DGKB: variants seen among roughly 807,000 people sequenced by gnomAD.
The protein encoded by DGKB is diacylglycerol kinase beta.
A neutral mutation model predicts 114.3 loss-of-function variants in DGKB; 67 were observed. The observed-to-expected ratio is 0.59, with a 90% confidence interval of 0.48 to 0.72. The LOEUF (loss-of-function observed/expected upper bound fraction) is 0.72. DGKB is among the 30% of genes least tolerant of loss of function. DGKB has a pLI of 0.00. For synonymous variants in DGKB, 398 were observed against 323.1 expected, an observed-to-expected ratio of 1.23 and a Z score of -2.49; for missense variants, 907 against 975.2, an observed-to-expected ratio of 0.93 and a Z score of 0.93.
intron 23 of DGKB, among the ~76,000 whole-genome samples, chr7:14,272,689 GTCTATGAGACATACA>G (rs982861898): frequency 6.6e-5 from 10 of 152,058 alleles, no homozygotes; most frequent in African/African-American, 2.4e-4. Flanking sequence ...ACCCATTAGT[GTCTATGAGACATACA>G]TAAAAAAGTG....
intron 21 of DGKB, among the ~76,000 whole-genome samples, chr7:14,398,750 A>G (rs931603452): frequency 6.6e-6 from 1 of 151,882 alleles, no homozygotes; most frequent in South Asian, 2.1e-4. Context: ...GGAGTCATCT[A>G]TGAAGTAATA....
intron 4 of DGKB, among the ~76,000 whole-genome samples, chr7:14,747,968 A>C (rs549990226): frequency 1.3e-5 from 2 of 152,286 alleles, no homozygotes; most frequent in South Asian, 4.1e-4. Context: ...TATGCCTTTC[A>C]TTATTATTTC....
chr7:14,531,835 T>C (rs1418513143), intron 20 of DGKB, among the ~76,000 whole-genome samples: 3 of 151,128 alleles, frequency 2.0e-5, no homozygotes, highest in Non-Finnish European at 3.0e-5. Context: ...AGAATAGGCA[T>C]ATAAATAAAT....
At chr7:14,783,411 G>C (rs969827176) in intron 2 of DGKB, among the ~76,000 whole-genome samples, 2 of 152,154 alleles carry the variant, frequency 1.3e-5, no homozygotes, top group Non-Finnish European at 2.9e-5. Flanking sequence ...ATTTTTGAAG[G>C]TTTTGAAACA....
chr7:14,198,829 G>A lies in DGKB; in HGVS notation c.2123-20678C>T, dbSNP rs181438176. Among the ~76,000 whole-genome samples, 524 of 152,132 alleles carry A rather than the reference G, an allele frequency of 3.4e-3. 1 individual carries two copies. Among genetic ancestry groups the A allele is most frequent in the Non-Finnish European group, 5.3e-3 (362 of 67,970 alleles). On this transcript the variant is annotated intron_variant, in intron 23 of 25. Coordinates refer to ENST00000402815, the MANE Select transcript of DGKB (RefSeq NM_001350709.2). ...AAATGTTGGATTTGGAAAAGTCTGG[G>A]AGGTCATGAGGAGGGATAGGGGGAA...
At chr7:14,700,228 T>C (rs934470027) in intron 7 of DGKB, among the ~76,000 whole-genome samples, 1 of 151,300 alleles carries the variant, frequency 6.6e-6, no homozygotes, top group Non-Finnish European at 1.5e-5. Context: ...TTTTTTTTTT[T>C]TTTGAGATGG....
intron 2 of DGKB, among the ~76,000 whole-genome samples, chr7:14,792,152 A>G (rs1398706419): frequency 6.6e-6 from 1 of 152,072 alleles, no homozygotes; most frequent in African/African-American, 2.4e-5. Context: ...TTCAAAATCT[A>G]CCTTTTGTGT....
At chr7:14,270,074 A>AAAAG (rs1798066015) in intron 23 of DGKB, among the ~76,000 whole-genome samples, 4 of 147,036 alleles carry the variant, frequency 2.7e-5, no homozygotes, top group Non-Finnish European at 4.5e-5. Context: ...AAAAAAAAAA[A>AAAAG]AGAGAGAGAT....
At chr7:14,870,444 T>A (rs1299686529) in intron 1 of DGKB, among the ~76,000 whole-genome samples, 1 of 152,208 alleles carries the variant, frequency 6.6e-6, no homozygotes, top group African/African-American at 2.4e-5. Flanking sequence ...TCTCTAATTA[T>A]GGAAATCCTG....
At chr7:14,470,511 G>A (rs1781123467) in intron 21 of DGKB, among the ~76,000 whole-genome samples, 2 of 151,898 alleles carry the variant, frequency 1.3e-5, no homozygotes, top group African/African-American at 2.4e-5. Flanking sequence ...AATAGATTGT[G>A]AATGTCAGTA....
intron 1 of DGKB, among the ~76,000 whole-genome samples, chr7:14,963,797 A>G (rs1359350637): frequency 1.3e-5 from 2 of 152,114 alleles, no homozygotes; most frequent in African/African-American, 4.8e-5. Flanking sequence ...TCCTTGTAGT[A>G]GGTGGGAGAT....
At chr7:14,281,641 C>T (rs1288386342) in intron 23 of DGKB, among the ~76,000 whole-genome samples, 1 of 149,858 alleles carries the variant, frequency 6.7e-6, no homozygotes, top group Non-Finnish European at 1.5e-5. Context: ...TGTAAAAGAA[C>T]AGAAATTATA....
chr7:14,476,266 G>A (rs1782157766), intron 21 of DGKB, among the ~76,000 whole-genome samples: 1 of 151,630 alleles, frequency 6.6e-6, no homozygotes, highest in African/African-American at 2.4e-5. Flanking sequence ...TCATTTCCAG[G>A]ATATTTGAGG....
intron 1 of DGKB, among the ~76,000 whole-genome samples, chr7:14,956,751 A>T (rs1412152133): frequency 6.6e-6 from 1 of 151,972 alleles, no homozygotes; most frequent in Admixed American, 6.6e-5. Flanking sequence ...TATAACCATG[A>T]GTGCAATGGA....
intron 1 of DGKB, among the ~76,000 whole-genome samples, chr7:14,937,025 TACACACACACACACACACACAC>T (rs56176139): frequency 2.9e-4 from 38 of 132,352 alleles, no homozygotes; most frequent in African/African-American, 8.4e-4. Flanking sequence ...GTCCATTCAC[TACACACACACACACACACACAC>T]ACACACACAC....
intron 4 of DGKB, among the ~76,000 whole-genome samples, chr7:14,745,432 A>G (rs1377676926): frequency 6.6e-6 from 1 of 152,220 alleles, no homozygotes; most frequent in East Asian, 1.9e-4. Context: ...GAATAATAGA[A>G]GTAGGAGGCA....
intron 21 of DGKB, among the ~76,000 whole-genome samples, chr7:14,376,487 CAA>C (rs1197407769): frequency 5.3e-5 from 8 of 152,050 alleles, no homozygotes; most frequent in Admixed American, 3.3e-4. Flanking sequence ...CCAAAATTAA[CAA>C]AGTTACTAAC....
At chr7:14,857,262 G>GTGTGTGTGTGTGTGTGTGTC (rs750405573) in intron 1 of DGKB, among the ~76,000 whole-genome samples, 18,443 of 150,690 alleles carry the variant, frequency 0.12, 1,418 homozygotes, top group East Asian at 0.38. Flanking sequence ...GTGTGTTTGT[G>GTGTGTGTGTGTGTGTGTGTC]TGTGTGTGTG....
chr7:14,856,317 T>G (rs1398524650), intron 1 of DGKB, among the ~76,000 whole-genome samples: 3 of 152,142 alleles, frequency 2.0e-5, no homozygotes, highest in Non-Finnish European at 4.4e-5. Context: ...AGATTCTCAT[T>G]GAAATACAAA....
Sources: allele counts gnomAD v4.1 joint callset (sites outside exome capture counted in the v4.1 genomes callset), GRCh38; gene constraint gnomAD v4.1.1; transcripts MANE v1.5; gene names NCBI Gene and HGNC (gene_info 2026-07-23, HGNC 2026-07-21).